CTIF: variants seen among roughly 807,000 people sequenced by gnomAD.
The protein encoded by CTIF is CBP80/20-dependent translation initiation factor.
CTIF carries 21 observed loss-of-function variants against 66.0 expected under a neutral mutation model. The observed-to-expected ratio is 0.32, with a 90% CI of 0.23 to 0.46. The LOEUF (loss-of-function observed/expected upper bound fraction) is 0.46, where lower values mean the gene tolerates loss of function less well. Ranked by LOEUF, CTIF falls within the 20% of genes least tolerant of loss-of-function variation. The pLI is 1.00. For missense variants in CTIF, 739 were observed against 812.7 expected (o/e 0.91, Z 1.10); for synonymous variants, 345 against 326.4 (o/e 1.06, Z -0.62).
intron 6 of CTIF, among the ~76,000 whole-genome samples, chr18:48,694,150 G>A (rs1253252702): frequency 6.6e-6 from 1 of 152,212 alleles, no homozygotes; most frequent in Admixed American, 6.5e-5. Flanking sequence ...ACTCTCTTTG[G>A]TTGCCCTAGG....
Position 48,803,436 on chromosome 18 carries a change from C to G in CTIF, c.1372-13785C>G, listed in dbSNP as rs188099987. 4.6e-5 allele frequency among the ~76,000 whole-genome samples: 7 copies of G among 152,190 alleles called. No individual in the cohort carries two copies. The East Asian group carries it at 1.3e-3, about 29-fold the overall frequency. On this transcript the variant is annotated intron_variant, in intron 9 of 11. Coordinates refer to ENST00000256413, the MANE Select transcript of CTIF (RefSeq NM_014772.3). ...TCAAGATAATCCTCATCATATCACT[C>G]TCTCTTCATTCTTTTGGATGGGACA...
chr18:48,673,099 C>T (rs539308459), intron 6 of CTIF, among the ~76,000 whole-genome samples: 20 of 152,298 alleles, frequency 1.3e-4, no homozygotes, highest in Non-Finnish European at 2.8e-4. Context: ...TCCCCAGAGC[C>T]CCTGCCCCCA....
At chr18:48,571,434 G>A (rs1325205000) in intron 1 of CTIF, among the ~76,000 whole-genome samples, 2 of 152,176 alleles carry the variant, frequency 1.3e-5, no homozygotes, top group African/African-American at 4.8e-5. Flanking sequence ...GGGATTACAG[G>A]CGTGAGCCAC....
chr18:48,797,497 T>TAG (rs1568227357), intron 9 of CTIF, among the ~76,000 whole-genome samples: 1 of 138,434 alleles, frequency 7.2e-6, no homozygotes, highest in Non-Finnish European at 1.5e-5. Context: ...AGAAAAGGGG[T>TAG]GGGGGGGCAA....
chr18:48,729,471 A>G (rs533065420), intron 7 of CTIF, among the ~76,000 whole-genome samples: 1 of 152,260 alleles, frequency 6.6e-6, no homozygotes, highest in Admixed American at 6.5e-5. Flanking sequence ...ACAAATAAAG[A>G]TGGCTCCCCC....
chr18:48,719,777 C>T (rs1382247140), intron 7 of CTIF, among the ~76,000 whole-genome samples: 5 of 152,142 alleles, frequency 3.3e-5, no homozygotes, highest in Admixed American at 2.6e-4. Flanking sequence ...GGTGAATTTG[C>T]TATTTTAAAT....
At chr18:48,707,349 T>A (rs954443981) in intron 6 of CTIF, among the ~76,000 whole-genome samples, 8 of 152,200 alleles carry the variant, frequency 5.3e-5, no homozygotes, top group Non-Finnish European at 1.2e-4. Flanking sequence ...AAGCAACAAC[T>A]TATACTTTTT....
chr18:48,539,341 T>TA (rs2088548660), intron 1 of CTIF, 29 bp downstream of exon 1: 1 of 151,846 alleles, frequency 6.6e-6, no homozygotes, highest in Non-Finnish European at 1.5e-5. Context: ...GTCCTCCTCT[T>TA]ATAGTCATCT....
intron 3 of CTIF, among the ~76,000 whole-genome samples, chr18:48,662,884 G>A (rs1411527259): frequency 1.3e-5 from 2 of 152,030 alleles, no homozygotes; most frequent in African/African-American, 2.4e-5. Context: ...AACATACCAC[G>A]GTTTATTTAT....
At chr18:48,785,279 A>T (rs1333841743) in intron 9 of CTIF, among the ~76,000 whole-genome samples, 1 of 152,238 alleles carries the variant, frequency 6.6e-6, no homozygotes, top group African/African-American at 2.4e-5. Flanking sequence ...CTCCAAACCG[A>T]AACTCAGCTG....
intron 7 of CTIF, among the ~76,000 whole-genome samples, chr18:48,728,739 TGA>T (rs138125305): frequency 2.0e-3 from 277 of 137,742 alleles, no homozygotes; most frequent in Middle Eastern, 3.6e-3. Context: ...AGGGGGAGAG[TGA>T]GAGAGAGAGA....
At chr18:48,614,013 AG>A (rs1037212950) in intron 1 of CTIF, among the ~76,000 whole-genome samples, 2 of 152,096 alleles carry the variant, frequency 1.3e-5, no homozygotes, top group Non-Finnish European at 2.9e-5. Context: ...CCGGGAGAGG[AG>A]GGGAGAGGCG....
At chr18:48,754,002 G>A (rs970003426) in intron 7 of CTIF, among the ~76,000 whole-genome samples, 4 of 152,214 alleles carry the variant, frequency 2.6e-5, no homozygotes, top group East Asian at 3.8e-4. Context: ...CCCAGCCAAC[G>A]ACCGCTGACA....
intron 1 of CTIF, among the ~76,000 whole-genome samples, chr18:48,547,793 T>C (rs2088787153): frequency 6.6e-6 from 1 of 152,128 alleles, no homozygotes; most frequent in Non-Finnish European, 1.5e-5. Context: ...CTTTTGAAGA[T>C]AGATGTGAGG....
At chr18:48,619,211 T>C (rs999365427) in intron 1 of CTIF, among the ~76,000 whole-genome samples, 2 of 152,200 alleles carry the variant, frequency 1.3e-5, no homozygotes, top group Admixed American at 1.3e-4. Flanking sequence ...GCTTGGCCTG[T>C]AGGCTGAGCT....
chr18:48,658,145 A>C (rs2091275163), intron 3 of CTIF, among the ~76,000 whole-genome samples: 1 of 151,936 alleles, frequency 6.6e-6, no homozygotes, highest in African/African-American at 2.4e-5. Flanking sequence ...TGTGTGGTAC[A>C]TGTATGTTTG....
intron 9 of CTIF, among the ~76,000 whole-genome samples, chr18:48,785,636 G>A (rs546856060): frequency 6.6e-6 from 1 of 152,296 alleles, no homozygotes; most frequent in African/African-American, 2.4e-5. Context: ...GGGATCTGGG[G>A]ATTCTTAACA....
chr18:48,566,769 GA>G, intron 1 of CTIF: 1 of 152,354 alleles, frequency 6.6e-6, no homozygotes, highest in Non-Finnish European at 1.5e-5. Flanking sequence ...GGATGCTTTG[GA>G]AAGGCTGTGG....
intron 1 of CTIF, among the ~76,000 whole-genome samples, chr18:48,602,461 AG>A (rs2090107112): frequency 1.3e-5 from 2 of 152,212 alleles, no homozygotes; most frequent in Non-Finnish European, 2.9e-5. Context: ...ACTATCATGA[AG>A]GCATTATGGC....
Sources: gnomAD v4.1 joint callset for allele counts (sites outside exome capture counted in the v4.1 genomes callset) on GRCh38, gnomAD v4.1.1 for gene constraint, MANE v1.5 for transcripts, NCBI Gene and HGNC (gene_info 2026-07-23, HGNC 2026-07-21) for gene names.